Variants in UXS1 observed in about 807,000 individuals in gnomAD.
UXS1 encodes UDP-glucuronic acid decarboxylase 1.
UXS1 carries 33 observed loss-of-function variants against 62.6 expected under a neutral mutation model. The observed-to-expected ratio is 0.53, with a 90% CI of 0.40 to 0.70. The LOEUF is 0.70. Among genes scored for constraint, UXS1 ranks in the 30% least tolerant of loss-of-function variants. UXS1 has a pLI of 0.00. For synonymous variants in UXS1, 213 were observed against 206.8 expected (o/e 1.03, Z -0.26); for missense variants, 434 against 556.3 (o/e 0.78, Z 2.21).
intron 13 of UXS1, 86 bp downstream of exon 13, chr2:106,098,630 T>A: frequency 8.9e-7 from 1 of 1,117,978 alleles, no homozygotes. Flanking sequence ...TAGCTTGTAT[T>A]AATTACCCAC....
chr2:106,108,048 T>A (rs1678237896), intron 10 of UXS1, among the ~76,000 whole-genome samples: 1 of 152,238 alleles, frequency 6.6e-6, no homozygotes, highest in African/African-American at 2.4e-5. Context: ...TGAAAGTTTG[T>A]ATGCTCCAGT....
chr2:106,174,219 A>C (rs1683734715), intron 1 of UXS1, among the ~76,000 whole-genome samples: 1 of 152,202 alleles, frequency 6.6e-6, no homozygotes, highest in African/African-American at 2.4e-5. Flanking sequence ...CATGAACCAA[A>C]TATGGGCACC....
At chr2:106,156,425 T>C (rs562897901) in intron 5 of UXS1, among the ~76,000 whole-genome samples, 9 of 152,184 alleles carry the variant, frequency 5.9e-5, no homozygotes, top group Non-Finnish European at 1.0e-4. Context: ...GGAACACTCA[T>C]ATGCTGCTGG....
At chr2:106,122,442 A>T (rs976582024) in intron 9 of UXS1, among the ~76,000 whole-genome samples, 1 of 152,214 alleles carries the variant, frequency 6.6e-6, no homozygotes, top group Non-Finnish European at 1.5e-5. Flanking sequence ...CAGTGTGGCA[A>T]CCTCGGCCTC....
intron 1 of UXS1, among the ~76,000 whole-genome samples, chr2:106,178,596 ATGTG>A (rs1193539571): frequency 4.0e-5 from 6 of 151,782 alleles, no homozygotes; most frequent in East Asian, 1.9e-4. Context: ...ATGTACATGT[ATGTG>A]TGTGTATATA....
chr2:106,116,108 A>G (rs1558690677), intron 9 of UXS1, among the ~76,000 whole-genome samples: 1 of 151,860 alleles, frequency 6.6e-6, no homozygotes, highest in Admixed American at 6.6e-5. Flanking sequence ...AACTAACAGC[A>G]GGCCTGACAG....
At chr2:106,158,608 ATGAG>A (rs767146487) in intron 4 of UXS1, among the ~76,000 whole-genome samples, 1 of 152,188 alleles carries the variant, frequency 6.6e-6, no homozygotes, top group Non-Finnish European at 1.5e-5. Context: ...TAGTTAAACG[ATGAG>A]GCAAGGAAAA....
At chr2:106,161,790 G>A (rs1411001825) in intron 4 of UXS1, among the ~76,000 whole-genome samples, 2 of 152,236 alleles carry the variant, frequency 1.3e-5, no homozygotes, top group East Asian at 3.9e-4. Flanking sequence ...TAAGCAATGG[G>A]AGTGTGGTAA....
chr2:106,099,720 C>CA (rs2104834942), intron 12 of UXS1, among the ~76,000 whole-genome samples: 1 of 152,304 alleles, frequency 6.6e-6, no homozygotes, highest in East Asian at 1.9e-4. Context: ...AAAGAACCTG[C>CA]AACAAAAACG....
chr2:106,102,588 A>T (rs941654984), intron 11 of UXS1: 3 of 152,224 alleles, frequency 2.0e-5, no homozygotes, highest in African/African-American at 7.2e-5. Flanking sequence ...AAAACCGGCC[A>T]TGAGAATATT....
intron 5 of UXS1, among the ~76,000 whole-genome samples, chr2:106,150,139 A>G (rs2105013369): frequency 1.3e-5 from 2 of 152,372 alleles, no homozygotes; most frequent in South Asian, 4.1e-4. Context: ...TAAGCAAAAT[A>G]TTAAAAGAAT....
At chr2:106,173,803 ATTG>A (rs1558750621) in intron 1 of UXS1, among the ~76,000 whole-genome samples, 1 of 152,218 alleles carries the variant, frequency 6.6e-6, no homozygotes, top group Non-Finnish European at 1.5e-5. Context: ...CCATTTAAGA[ATTG>A]TTAAAACTTT....
intron 5 of UXS1, among the ~76,000 whole-genome samples, chr2:106,156,178 C>T (rs1479105632): frequency 2.6e-5 from 4 of 152,046 alleles, no homozygotes; most frequent in Non-Finnish European, 5.9e-5. Flanking sequence ...ATATAAAGAA[C>T]TTAATTCAAT....
At chr2:106,097,170 G>A (rs763270163) in intron 13 of UXS1, 5 of 472,958 alleles carry the variant, frequency 1.1e-5, no homozygotes, top group South Asian at 4.6e-5. Flanking sequence ...CGTGCCCACC[G>A]AGCATGACCC....
intron 13 of UXS1, chr2:106,097,333 C>A: frequency 2.4e-6 from 1 of 408,802 alleles, no homozygotes. Flanking sequence ...AAAGGCTGGC[C>A]TGTTCCACAT....
chr2:106,142,640 T>C (rs765861159), intron 6 of UXS1, among the ~76,000 whole-genome samples: 1 of 152,104 alleles, frequency 6.6e-6, no homozygotes, highest in Non-Finnish European at 1.5e-5. Context: ...TCTGGCATTG[T>C]TGGATGAAGT....
intron 6 of UXS1, among the ~76,000 whole-genome samples, chr2:106,136,305 C>T (rs1680633337): frequency 1.4e-5 from 2 of 143,356 alleles, no homozygotes; most frequent in African/African-American, 5.2e-5. Flanking sequence ...CACTTTTACA[C>T]TGTTGGTGGG....
intron 1 of UXS1, 64 bp downstream of exon 1, chr2:106,194,084 C>T (rs973178225): frequency 7.4e-7 from 1 of 1,351,264 alleles, no homozygotes; most frequent in Admixed American, 2.9e-5. Context: ...ACCACCGCCG[C>T]CCGGCCCACC....
At chr2:106,174,873 AC>A (rs902046978) in intron 1 of UXS1, among the ~76,000 whole-genome samples, 1 of 152,152 alleles carries the variant, frequency 6.6e-6, no homozygotes, top group African/African-American at 2.4e-5. Context: ...TCCCTGGGCC[AC>A]CCTTCCAAAA....
Sources: allele counts gnomAD v4.1 joint callset (sites outside exome capture counted in the v4.1 genomes callset), GRCh38; gene constraint gnomAD v4.1.1; transcripts MANE v1.5; gene names NCBI Gene and HGNC (gene_info 2026-07-23, HGNC 2026-07-21).